Variants in CTTN observed in about 807,000 individuals in gnomAD.
The protein encoded by CTTN is cortactin, also known as src substrate cortactin.
Under a neutral mutation model 84.0 loss-of-function variants are expected in CTTN, and 28 were observed. The ratio of observed to expected loss-of-function variants is 0.33; its 90% CI spans 0.25 to 0.46. The LOEUF (loss-of-function observed/expected upper bound fraction) is 0.46. Ranked by LOEUF, CTTN falls within the 20% of genes least tolerant of loss-of-function variation. The pLI is 1.00. For missense variants in CTTN, 641 were observed against 723.8 expected (o/e 0.89, Z 1.31); for synonymous variants, 301 against 288.8 (o/e 1.04, Z -0.43).
intron 1 of CTTN, among the ~76,000 whole-genome samples, chr11:70,404,182 G>A (rs888329015): frequency 1.3e-5 from 2 of 152,236 alleles, no homozygotes; most frequent in African/African-American, 4.8e-5. Flanking sequence ...AGTTGGGTCA[G>A]AAACCAGATA....
At chr11:70,428,384 T>G (rs2058321607) in intron 13 of CTTN, among the ~76,000 whole-genome samples, 1 of 152,116 alleles carries the variant, frequency 6.6e-6, no homozygotes, top group African/African-American at 2.4e-5. Flanking sequence ...CAGGATGGTC[T>G]TGATCTCTTG....
intron 1 of CTTN, among the ~76,000 whole-genome samples, chr11:70,399,051 A>G (rs144390875): frequency 0.15 from 5,846 of 40,246 alleles, 574 homozygotes; most frequent in African/African-American, 0.37. Flanking sequence ...GGAGGGTATT[A>G]GGGCCCGAGG....
chr11:70,399,842 G>A lies in CTTN; in HGVS notation c.-98+1228G>A, dbSNP rs1252256236. 1.3e-5 allele frequency among the ~76,000 whole-genome samples: 2 copies of A among 152,182 alleles called. 1 individual carries two copies. On this transcript the variant is annotated intron_variant, in intron 1 of 17. Transcript: ENST00000301843. ...GGCTCAGTGTTGACTTGGCTGCGCA[G>A]GCTCTGTCGGGGGGACTTCACCCAC...
Position 70,431,281 on chromosome 11 carries a change from G to A in CTTN, c.1266+1G>A. The A allele has an allele frequency of 6.2e-7, 1 of 1,614,148 alleles. No individual in the cohort carries two copies. The highest frequency in any genetic ancestry group is 8.5e-7 in the Non-Finnish European group (1 of 1,180,006). On this transcript the variant is annotated splice_donor_variant, in intron 15 of 17. Transcript: ENST00000301843. LOFTEE classifies it high-confidence loss of function. Reference sequence around the variant, plus strand: ...GCTGCCCTCGAGCCCCGTCTATGAGGTTGGTGTCTTTGGTGTTTGAATGAG... The same window carrying A: ...GCTGCCCTCGAGCCCCGTCTATGAGATTGGTGTCTTTGGTGTTTGAATGAG...
Position 70,426,077 on chromosome 11 carries a change from A to G in CTTN, c.1027+676A>G, listed in dbSNP as rs182834084. Among the ~76,000 whole-genome samples the G allele has an allele frequency of 1.1e-4, 17 of 152,244 alleles. No homozygotes were observed. The East Asian group carries it at 3.3e-3, about 29-fold the overall frequency. The stretch of plus-strand genomic sequence containing the variant: ...TTGACCACTCGTGAGAACCCCCAAG[A>G]TGTTGATGTATTTGATGACATTGAC... On this transcript the variant is annotated intron_variant, in intron 13 of 17. Coordinates refer to ENST00000301843, the MANE Select transcript of CTTN (RefSeq NM_005231.4).
chr11:70,403,481 C>G (rs1180738125), intron 1 of CTTN, among the ~76,000 whole-genome samples: 1 of 152,180 alleles, frequency 6.6e-6, no homozygotes, highest in African/African-American at 2.4e-5. Flanking sequence ...GCCACCTCAC[C>G]TGGCCAAGAG....
intron 10 of CTTN, among the ~76,000 whole-genome samples, 178 bp from the exon 11 acceptor site, chr11:70,421,292 G>A (rs948348752): frequency 2.6e-5 from 4 of 152,308 alleles, no homozygotes; most frequent in East Asian, 3.9e-4. Context: ...CTTTAACGTT[G>A]ACCTCTGGAG....
chr11:70,425,189 G>T (rs1023154239), intron 12 of CTTN, 143 bp from the exon 13 acceptor site: 44 of 598,594 alleles, frequency 7.4e-5, no homozygotes, highest in African/African-American at 7.3e-4. Context: ...TTGCAAAACC[G>T]AGAGGCCATG....
Position 70,436,514 on chromosome 11 carries a change from GCA to G in CTTN, c.*1356_*1357del, listed in dbSNP as rs780487009. On this transcript the variant is annotated 3_prime_UTR_variant, in exon 18 of 18. Coordinates refer to ENST00000301843, the MANE Select transcript of CTTN (RefSeq NM_005231.4). ...AACTTATTGTATCTGAATTCCTGTA[GCA>G]CACCTCATAGGTATGATTTTTTTAA... 1.5e-5 allele frequency: 14 copies of G among 931,404 alleles called. No individual in the cohort carries two copies. Among genetic ancestry groups the G allele is most frequent in the Non-Finnish European group, 2.3e-5 (14 of 605,754 alleles). The allele number at this position is 931,404 out of a possible 1,614,324, so 57.7% of individuals were successfully genotyped here. A position where few individuals can be genotyped will look rare whatever the true frequency, so the allele number is the denominator to read the frequency against.
intron 17 of CTTN, among the ~76,000 whole-genome samples, chr11:70,434,695 C>G (rs1357403631): frequency 6.6e-6 from 1 of 152,250 alleles, no homozygotes; most frequent in Non-Finnish European, 1.5e-5. Context: ...TCTCCCCACC[C>G]CCTCCACAGA....
In CTTN at chr11:70,407,548, G is replaced by T; in HGVS notation, c.118G>T (p.Gly40Cys). 6.2e-7 allele frequency: 1 copy of T among 1,614,004 alleles called. No homozygotes were observed. Among genetic ancestry groups the T allele is most frequent in the Non-Finnish European group, 8.5e-7 (1 of 1,180,036 alleles). The change falls in exon 4 of 18, where the codon GGT (glycine) becomes TGT (cysteine). Residue 40 changes from glycine (G) to cysteine (C), a missense_variant. By Grantham distance (159) the Gly-to-Cys change is radical. Transcript: ENST00000301843. Reference sequence around the variant, plus strand: ...TGTGAGTGAGAAGGAGCAAAGATGGGGTGCCAAGACGGTGCAGGGCTCCGG... The same window carrying T: ...TGTGAGTGAGAAGGAGCAAAGATGGTGTGCCAAGACGGTGCAGGGCTCCGG... ...NDVSEKEQRW[G>C]AKTVQGSGHQ...
Position 70,435,032 on chromosome 11 carries a change from A to T in CTTN, c.1523A>T (p.Asp508Val). 6.2e-7 allele frequency: 1 copy of T among 1,613,992 alleles called. No homozygotes were observed. The highest frequency in any genetic ancestry group is 8.5e-7 in the Non-Finnish European group (1 of 1,180,012). Reference sequence around the variant, plus strand: ...TCTGTGTTCTCTTCCCCAGCGGGCGATGATGAGATCTCATTTGACCCTGAT... The same window carrying T: ...TCTGTGTTCTCTTCCCCAGCGGGCGTTGATGAGATCTCATTTGACCCTGAT... ...VALYDYQAAG[D>V]DEISFDPDDI... is the part of the protein sequence containing the mutation. Residue 508 changes from aspartate to valine, a missense_variant, in exon 18 of 18, where the codon GAT becomes GTT. Around this residue, in one of 3 missense-constraint regions of CTTN, gnomAD observed 68 missense variants for 102.2 expected, o/e 0.67. Transcript: ENST00000301843.
At chr11:70,400,404 A>G (rs1044078806) in intron 1 of CTTN, among the ~76,000 whole-genome samples, 5 of 151,966 alleles carry the variant, frequency 3.3e-5, no homozygotes, top group Non-Finnish European at 7.4e-5. Flanking sequence ...TGGAGGCTGC[A>G]TTGAGCTCGA....
At chr11:70,434,913 C>A in intron 17 of CTTN, 113 bp from the exon 18 acceptor site, 2 of 1,135,234 alleles carry the variant, frequency 1.8e-6, no homozygotes, top group Admixed American at 1.7e-5. Context: ...CGCATCTCTG[C>A]AGGGGGCATC....
In CTTN at chr11:70,435,253, G is replaced by GTT. The variant is rs370623790; in HGVS notation, c.*115_*116dup. On this transcript the variant is annotated 3_prime_UTR_variant, in exon 18 of 18. Coordinates refer to ENST00000301843, the MANE Select transcript of CTTN (RefSeq NM_005231.4). ...TCTTGGGTGGTTTTGGGTTTTTTCT[G>GTT]TTTTTTTTTTTTTTTTTTTTTTTTT... 45,536 of 908,028 alleles carry GTT rather than the reference G, an allele frequency of 0.05. 52 individuals are homozygous for GTT. Among genetic ancestry groups the GTT allele is most frequent in the South Asian group, 0.084 (3,041 of 36,122 alleles). The allele number at this position is 908,028 out of a possible 1,614,324, so 56.2% of individuals were successfully genotyped here.
chr11:70,406,008 G>T (rs893049279), intron 2 of CTTN, among the ~76,000 whole-genome samples: 1 of 152,220 alleles, frequency 6.6e-6, no homozygotes, highest in Non-Finnish European at 1.5e-5. Context: ...AAATGGGCGC[G>T]TTGGGACAAG....
rs573708199 is a variant in CTTN, at chr11:70,426,694, TCTC to T, written c.1027+1296_1027+1298del. Reference sequence around the variant, plus strand: ...GCCTCCCATCCCGGGTTCACGGCATTCTCCTGCCTCAAGCCTCCGGAGTAGCTG... The same window carrying T: ...GCCTCCCATCCCGGGTTCACGGCATTCTGCCTCAAGCCTCCGGAGTAGCTG... On this transcript the variant is annotated intron_variant, in intron 13 of 17. Coordinates refer to ENST00000301843, the MANE Select transcript of CTTN (RefSeq NM_005231.4). Among the ~76,000 whole-genome samples the T allele has an allele frequency of 2.8e-4, 42 of 151,702 alleles. No homozygotes were observed. In the Middle Eastern group the frequency reaches 0.017, roughly 62 times the overall value.
intron 1 of CTTN, among the ~76,000 whole-genome samples, chr11:70,401,298 G>A (rs919231023): frequency 5.4e-5 from 8 of 147,404 alleles, no homozygotes; most frequent in East Asian, 3.9e-4. Flanking sequence ...GTGAAACACC[G>A]TCTCTACTAA....
chr11:70,424,300 T>C (rs1330653570), intron 12 of CTTN, among the ~76,000 whole-genome samples: 2 of 151,856 alleles, frequency 1.3e-5, no homozygotes, highest in African/African-American at 2.4e-5. Flanking sequence ...ACTGCCTGTG[T>C]TGTGGGTGTC....
Sources: allele counts gnomAD v4.1 joint callset (sites outside exome capture counted in the v4.1 genomes callset), GRCh38; gene constraint gnomAD v4.1.1; regional missense constraint gnomAD v4.1.1; transcripts MANE v1.5; gene names NCBI Gene and HGNC (gene_info 2026-07-23, HGNC 2026-07-21).